The following MARCHF1 variants were observed in gnomAD, a reference collection of about 807,000 sequenced individuals.
MARCHF1 encodes membrane associated ring-CH-type finger 1, also known as E3 ubiquitin-protein ligase MARCHF1.
In MARCHF1, 40 loss-of-function variants were observed where a neutral mutation model predicts 54.2. The observed-to-expected ratio is 0.74, with a 90% CI of 0.57 to 0.96. The LOEUF (loss-of-function observed/expected upper bound fraction) is 0.96, where lower values mean the gene tolerates loss of function less well. Ranked by LOEUF, MARCHF1 falls within the 40% of genes least tolerant of loss-of-function variation. The probability of loss-of-function intolerance (pLI) is 0.00; values close to 1 mark genes in which losing one functional copy is unlikely to be tolerated. For synonymous variants in MARCHF1, 236 were observed against 236.3 expected (o/e 1.00, Z 0.01); for missense variants, 586 against 656.5 (o/e 0.89, Z 1.17).
At chr4:164,099,602 C>G (rs1755493365) in intron 2 of MARCHF1, among the ~76,000 whole-genome samples, 1 of 152,042 alleles carries the variant, frequency 6.6e-6, no homozygotes, top group Non-Finnish European at 1.5e-5. Flanking sequence ...TTTTCAATAT[C>G]AAATTCAAAG....
At chr4:163,696,831 T>C (rs1458872050) in intron 5 of MARCHF1, among the ~76,000 whole-genome samples, 3 of 152,120 alleles carry the variant, frequency 2.0e-5, no homozygotes, top group African/African-American at 7.2e-5. Flanking sequence ...CCCAATTAGA[T>C]GGAAGTGATG....
chr4:164,207,309 C>CT lies in MARCHF1; in HGVS notation c.-322-95648dup, dbSNP rs1329680522. On this transcript the variant is annotated intron_variant, in intron 1 of 9. Coordinates refer to ENST00000514618, the MANE Select transcript of MARCHF1 (RefSeq NM_001394959.1). ...CATTGTGGGCCAATACATTCAATAG[C>CT]TTTTTTCAATTTTTCATTTTAAGTT... Among the ~76,000 whole-genome samples the CT allele has an allele frequency of 3.9e-5, 6 of 152,216 alleles. No individual in the cohort carries two copies. The East Asian group carries it at 1.2e-3, about 29-fold the overall frequency.
chr4:163,704,578 TC>T (rs1287125887), intron 4 of MARCHF1, among the ~76,000 whole-genome samples: 1 of 151,374 alleles, frequency 6.6e-6, no homozygotes, highest in Non-Finnish European at 1.5e-5. Flanking sequence ...CAATTAGAAA[TC>T]CAATTTTGAA....
At chr4:163,833,676 T>G (rs1054211415) in intron 4 of MARCHF1, among the ~76,000 whole-genome samples, 1 of 152,138 alleles carries the variant, frequency 6.6e-6, no homozygotes, top group Non-Finnish European at 1.5e-5. Context: ...TTATTTATTG[T>G]TTTTGCCCCA....
intron 3 of MARCHF1, among the ~76,000 whole-genome samples, chr4:163,912,704 C>T (rs1303895601): frequency 6.6e-6 from 1 of 152,108 alleles, no homozygotes; most frequent in Non-Finnish European, 1.5e-5. Flanking sequence ...AGAAGCAAAA[C>T]AGATTAAGAC....
intron 1 of MARCHF1, among the ~76,000 whole-genome samples, chr4:164,270,423 G>A (rs936915306): frequency 5.3e-5 from 8 of 152,070 alleles, no homozygotes; most frequent in Non-Finnish European, 1.0e-4. Flanking sequence ...AAATATACAT[G>A]TTCACCTTTT....
chr4:164,349,110 C>T (rs1730202500), intron 1 of MARCHF1, among the ~76,000 whole-genome samples: 1 of 152,144 alleles, frequency 6.6e-6, no homozygotes, highest in South Asian at 2.1e-4. Flanking sequence ...TAGTCCCTCT[C>T]CCTACCAGAT....
At chr4:163,764,822 A>G (rs1232024714) in intron 4 of MARCHF1, among the ~76,000 whole-genome samples, 1 of 152,108 alleles carries the variant, frequency 6.6e-6, no homozygotes, top group Non-Finnish European at 1.5e-5. Context: ...GACCAGTGGC[A>G]TGCTGGAGCT....
chr4:163,552,115 G>A (rs2110942971), intron 8 of MARCHF1, among the ~76,000 whole-genome samples: 1 of 152,290 alleles, frequency 6.6e-6, no homozygotes, highest in South Asian at 2.1e-4. Flanking sequence ...GTCCACCAGT[G>A]ATAATCATTT....
At chr4:163,796,510 T>C (rs1747920270) in intron 4 of MARCHF1, among the ~76,000 whole-genome samples, 2 of 152,178 alleles carry the variant, frequency 1.3e-5, no homozygotes, top group Admixed American at 1.3e-4. Context: ...CAGTTTGATT[T>C]GTTCTCTTTT....
intron 3 of MARCHF1, among the ~76,000 whole-genome samples, chr4:163,979,885 T>A (rs1423987296): frequency 6.6e-6 from 1 of 152,106 alleles, no homozygotes; most frequent in Non-Finnish European, 1.5e-5. Context: ...TTTTTTCTTG[T>A]AAATTTGGTT....
In MARCHF1 at chr4:163,870,776, T is replaced by C. The variant is rs1750152330; in HGVS notation, c.-38-16607A>G. Reference sequence around the variant, plus strand: ...ACATGTTCTCACTCATATGTGAAAGTTAAAAAAGTTGATCTCATAGAAAGA... The same window carrying C: ...ACATGTTCTCACTCATATGTGAAAGCTAAAAAAGTTGATCTCATAGAAAGA... On this transcript the variant is annotated intron_variant, in intron 3 of 9. Coordinates refer to ENST00000514618, the MANE Select transcript of MARCHF1 (RefSeq NM_001394959.1). Among the ~76,000 whole-genome samples, 2 of 151,938 alleles carry C rather than the reference T, an allele frequency of 1.3e-5. 1 individual carries two copies. Among genetic ancestry groups the C allele is most frequent in the South Asian group, 4.2e-4 (2 of 4,806 alleles).
At chr4:163,690,311 A>G (rs1178468122) in intron 5 of MARCHF1, among the ~76,000 whole-genome samples, 1 of 152,232 alleles carries the variant, frequency 6.6e-6, no homozygotes, top group Admixed American at 6.5e-5. Flanking sequence ...CACAGTGTCA[A>G]TAGAATGCAA....
intron 3 of MARCHF1, among the ~76,000 whole-genome samples, chr4:163,967,358 T>C (rs1206908527): frequency 6.6e-6 from 1 of 152,156 alleles, no homozygotes; most frequent in Non-Finnish European, 1.5e-5. Context: ...CAGAGGCTGA[T>C]ACTTGATCTC....
chr4:163,719,529 C>A (rs927461219), intron 4 of MARCHF1, among the ~76,000 whole-genome samples: 6 of 152,026 alleles, frequency 3.9e-5, no homozygotes, highest in Non-Finnish European at 7.4e-5. Context: ...GTTTTGTAAT[C>A]CTTTGGGTAT....
chr4:163,861,080 T>G (rs10028378), intron 3 of MARCHF1, among the ~76,000 whole-genome samples: 122,565 of 152,118 alleles, frequency 0.81, 49,893 homozygotes, highest in East Asian at 0.97. Context: ...ACAACATCAG[T>G]AACAAATGGG....
chr4:163,893,638 T>C (rs919756567), intron 3 of MARCHF1, among the ~76,000 whole-genome samples: 1 of 152,188 alleles, frequency 6.6e-6, no homozygotes, highest in Non-Finnish European at 1.5e-5. Flanking sequence ...CATTTTTGAA[T>C]AGATAATTAC....
In MARCHF1 at chr4:164,284,140, A is replaced by G. The variant is rs1041220871; in HGVS notation, c.-323+99730T>C. Among the ~76,000 whole-genome samples, 5 of 151,136 alleles carry G rather than the reference A, an allele frequency of 3.3e-5. 1 individual carries two copies. The highest frequency in any genetic ancestry group is 1.2e-4 in the African/African-American group (5 of 41,148). On this transcript the variant is annotated intron_variant, in intron 1 of 9. Coordinates refer to ENST00000514618, the MANE Select transcript of MARCHF1 (RefSeq NM_001394959.1). Reference sequence around the variant, plus strand: ...AGGTCCTGAGATGCTAAGGTTCGCTATTCAAATCACTTAATGGGTAGGGAG... The same window carrying G: ...AGGTCCTGAGATGCTAAGGTTCGCTGTTCAAATCACTTAATGGGTAGGGAG...
At chr4:164,306,386 A>G (rs1173015474) in intron 1 of MARCHF1, among the ~76,000 whole-genome samples, 1 of 152,054 alleles carries the variant, frequency 6.6e-6, no homozygotes, top group Non-Finnish European at 1.5e-5. Flanking sequence ...TCAAGGTCAC[A>G]CTCCAAGTTA....
Sources: allele counts gnomAD v4.1 joint callset (sites outside exome capture counted in the v4.1 genomes callset), GRCh38; gene constraint gnomAD v4.1.1; transcripts MANE v1.5; gene names NCBI Gene and HGNC (gene_info 2026-07-23, HGNC 2026-07-21).